TMEM108: variants seen among roughly 807,000 people sequenced by gnomAD.
TMEM108 encodes the protein cancer/testis antigen 124.
Under a neutral mutation model 35.1 loss-of-function variants are expected in TMEM108, and 12 were observed. The ratio of observed to expected loss-of-function variants is 0.34; its 90% CI spans 0.22 to 0.55. The LOEUF is 0.55. Among genes scored for constraint, TMEM108 ranks in the 20% least tolerant of loss-of-function variants. The pLI is 0.89. For missense variants in TMEM108, 680 were observed against 753.3 expected, an observed-to-expected ratio of 0.90 and a Z score of 1.14; for synonymous variants, 287 against 308.6, an observed-to-expected ratio of 0.93 and a Z score of 0.73.
At chr3:133,374,768 T>C (rs1239210369) in intron 3 of TMEM108, among the ~76,000 whole-genome samples, 1 of 151,946 alleles carries the variant, frequency 6.6e-6, no homozygotes, top group Non-Finnish European at 1.5e-5. Context: ...ACACCAAATA[T>C]GTCATACAGA....
chr3:133,160,360 T>C (rs1379236961), intron 2 of TMEM108, among the ~76,000 whole-genome samples: 7 of 152,214 alleles, frequency 4.6e-5, no homozygotes, highest in Admixed American at 4.6e-4. Context: ...GACCTCAACA[T>C]AGGCACACCT....
chr3:133,042,416 T>C lies in TMEM108; in HGVS notation c.-165-3486T>C, dbSNP rs144659814. Among the ~76,000 whole-genome samples, 597 of 152,352 alleles carry C rather than the reference T, an allele frequency of 3.9e-3. 6 individuals are homozygous for C. The highest frequency in any genetic ancestry group is 0.014 in the African/African-American group (563 of 41,582). On this transcript the variant is annotated intron_variant, in intron 1 of 5. Coordinates refer to ENST00000321871, the MANE Select transcript of TMEM108 (RefSeq NM_023943.4). The stretch of plus-strand genomic sequence containing the variant: ...CAACAGTCCATTAATGCCATCTTAT[T>C]ATGTGACTAAAAATAAATCTATTCA...
chr3:133,299,863 C>T (rs958629699), intron 3 of TMEM108, among the ~76,000 whole-genome samples: 3 of 152,110 alleles, frequency 2.0e-5, no homozygotes, highest in Admixed American at 2.0e-4. Context: ...ATGTAATTAC[C>T]ATATCCCATT....
intron 3 of TMEM108, among the ~76,000 whole-genome samples, chr3:133,342,125 ACTAT>A (rs2071675805): frequency 1.3e-5 from 2 of 151,854 alleles, no homozygotes; most frequent in African/African-American, 2.4e-5. Flanking sequence ...ATATTTGCAG[ACTAT>A]CTATCTGACA....
intron 2 of TMEM108, among the ~76,000 whole-genome samples, chr3:133,134,539 G>T (rs1207553189): frequency 2.0e-5 from 3 of 151,006 alleles, no homozygotes; most frequent in African/African-American, 7.3e-5. Flanking sequence ...AGTAATAGGG[G>T]TGCTTATTAA....
At chr3:133,303,552 T>G (rs1389942395) in intron 3 of TMEM108, among the ~76,000 whole-genome samples, 6 of 152,104 alleles carry the variant, frequency 3.9e-5, no homozygotes, top group African/African-American at 1.4e-4. Flanking sequence ...AGTAAAAAAA[T>G]CTTAAGCCCC....
At chr3:133,294,635 TG>T in intron 3 of TMEM108, among the ~76,000 whole-genome samples, 1 of 152,372 alleles carries the variant, frequency 6.6e-6, no homozygotes, top group African/African-American at 2.4e-5. Context: ...TTTATTGGTT[TG>T]CTTAATTATT....
chr3:133,154,733 G>T (rs1229820045), intron 2 of TMEM108, among the ~76,000 whole-genome samples: 1 of 152,094 alleles, frequency 6.6e-6, no homozygotes, highest in Non-Finnish European at 1.5e-5. Flanking sequence ...ACGGGGAAGG[G>T]ATAGTATTAG....
At chr3:133,393,833 C>G (rs1403379022) in intron 5 of TMEM108, among the ~76,000 whole-genome samples, 1 of 152,178 alleles carries the variant, frequency 6.6e-6, no homozygotes, top group Non-Finnish European at 1.5e-5. Context: ...AAGGCCCTTG[C>G]TTTTAGAACA....
At chr3:133,266,107 C>T (rs1346575923) in intron 3 of TMEM108, among the ~76,000 whole-genome samples, 1 of 152,014 alleles carries the variant, frequency 6.6e-6, no homozygotes, top group Non-Finnish European at 1.5e-5. Flanking sequence ...AATTAGTTCA[C>T]TTGCAGTAGT....
At chr3:133,227,016 A>G (rs1309142309) in intron 2 of TMEM108, among the ~76,000 whole-genome samples, 1 of 152,118 alleles carries the variant, frequency 6.6e-6, no homozygotes, top group African/African-American at 2.4e-5. Context: ...TTTATTCACT[A>G]TCATGAGAAC....
chr3:133,285,497 G>C (rs938111126), intron 3 of TMEM108, among the ~76,000 whole-genome samples: 1 of 152,188 alleles, frequency 6.6e-6, no homozygotes, highest in African/African-American at 2.4e-5. Context: ...TCTTGCCTCA[G>C]AGAGACGTTG....
chr3:133,315,986 C>A (rs145852815), intron 3 of TMEM108, among the ~76,000 whole-genome samples: 1 of 152,310 alleles, frequency 6.6e-6, no homozygotes, highest in South Asian at 2.1e-4. Flanking sequence ...TACTAAGAAC[C>A]AGAGACGACT....
chr3:133,257,521 TC>T (rs869230290), intron 3 of TMEM108, among the ~76,000 whole-genome samples: 2 of 146,580 alleles, frequency 1.4e-5, no homozygotes, highest in Admixed American at 7.1e-5. Context: ...TAAAACTTGA[TC>T]CCCCTGAAAC....
At chr3:133,161,845 C>A (rs1451475308) in intron 2 of TMEM108, among the ~76,000 whole-genome samples, 1 of 152,154 alleles carries the variant, frequency 6.6e-6, no homozygotes, top group Admixed American at 6.5e-5. Context: ...TGTTTGCCAA[C>A]CCCCAACCAA....
intron 4 of TMEM108, among the ~76,000 whole-genome samples, chr3:133,381,564 A>C (rs1291886608): frequency 6.6e-6 from 1 of 152,190 alleles, no homozygotes; most frequent in Non-Finnish European, 1.5e-5. Context: ...ACTCTGCCTC[A>C]AGGTAGCCTG....
At chr3:133,299,698 A>G (rs759041084) in intron 3 of TMEM108, among the ~76,000 whole-genome samples, 1 of 152,152 alleles carries the variant, frequency 6.6e-6, no homozygotes, top group Non-Finnish European at 1.5e-5. Flanking sequence ...ATATCATAAT[A>G]TCAAAAACTG....
chr3:133,191,472 A>G (rs1232355184), intron 2 of TMEM108, among the ~76,000 whole-genome samples: 1 of 152,194 alleles, frequency 6.6e-6, no homozygotes, highest in African/African-American at 2.4e-5. Flanking sequence ...ACAAAATAAC[A>G]GTAGGTGACA....
Position 133,380,633 on chromosome 3 carries a change from G to C in TMEM108, c.922G>C (p.Val308Leu). 1 of 1,613,850 alleles carries C rather than the reference G, an allele frequency of 6.2e-7. No homozygotes were observed. Among genetic ancestry groups the C allele is most frequent in the Non-Finnish European group, 8.5e-7 (1 of 1,179,920 alleles). ...PDATAASGAP[V>L]SPQAAPVPSQ... Reference sequence around the variant, plus strand: ...TGCCACAGCAGCCTCAGGTGCCCCTGTCAGTCCACAAGCTGCCCCAGTGCC... The same window carrying C: ...TGCCACAGCAGCCTCAGGTGCCCCTCTCAGTCCACAAGCTGCCCCAGTGCC... The change falls in exon 4 of 6, where the codon GTC (valine) becomes CTC (leucine). Residue 308 changes from valine to leucine, a missense_variant. By Grantham distance (32) the Val-to-Leu change is conservative. This residue lies in a region of TMEM108 where 526 missense variants were observed against 532.1 expected (regional missense o/e 0.99). Transcript: ENST00000321871. The surrounding 1 kb of genome is among the most constrained non-coding windows in gnomAD (Gnocchi z 5.3).
Sources: allele counts gnomAD v4.1 joint callset (sites outside exome capture counted in the v4.1 genomes callset), GRCh38; gene constraint gnomAD v4.1.1; regional missense constraint gnomAD v4.1.1; non-coding constraint Gnocchi (gnomAD v3.1); transcripts MANE v1.5; gene names NCBI Gene and HGNC (gene_info 2026-07-23, HGNC 2026-07-21).